The following SPOCD1 variants were observed in gnomAD, a reference collection of about 807,000 sequenced individuals.
SPOCD1 encodes the protein SPOC domain containing 1.
A neutral mutation model predicts 92.2 loss-of-function variants in SPOCD1; 64 were observed. That is an observed-to-expected ratio of 0.69 (90% confidence interval 0.57 to 0.86). The LOEUF (loss-of-function observed/expected upper bound fraction) is 0.86. SPOCD1 is among the 40% of genes least tolerant of loss of function. The pLI, the probability that SPOCD1 is intolerant of heterozygous loss-of-function variation, is 0.00. For missense variants in SPOCD1, 1,360 were observed against 1,543.1 expected, an observed-to-expected ratio of 0.88 and a Z score of 1.99; for synonymous variants, 578 against 619.3, an observed-to-expected ratio of 0.93 and a Z score of 0.99.
rs772248215 is a variant in SPOCD1, at chr1:31,800,005, G to A, written c.1728+11C>T. ...GTGAAGGAGGCACATGGCCGGGGCAGAACAACTTGCCTGGGAACATGCAGG... is the reference window on the plus strand; with the variant it reads ...GTGAAGGAGGCACATGGCCGGGGCAAAACAACTTGCCTGGGAACATGCAGG... On this transcript the variant is annotated intron_variant, in intron 5 of 15. Transcript: ENST00000360482. 2 of 1,611,700 alleles carry A rather than the reference G, an allele frequency of 1.2e-6. No homozygotes were observed. Among genetic ancestry groups the A allele is most frequent in the Non-Finnish European group, 8.5e-7 (1 of 1,178,830 alleles).
chr1:31,815,378 TGGAGACAGAAAGA>T lies in SPOCD1; in HGVS notation c.-39-19_-39-7del. On this transcript the variant is annotated splice_region_variant and splice_polypyrimidine_tract_variant and intron_variant, in intron 1 of 15. Coordinates refer to ENST00000360482, the MANE Select transcript of SPOCD1 (RefSeq NM_144569.7). ...CCAAAAGCACAACACGGGCCCTGTG[TGGAGACAGAAAGA>T]GGAGACTTTGTCTTGGAGAGTCCGA... is the stretch of plus-strand genomic sequence containing the variant. 1.3e-6 allele frequency: 2 copies of T among 1,499,430 alleles called. No individual in the cohort carries two copies. Among genetic ancestry groups the T allele is most frequent in the South Asian group, 2.8e-5 (2 of 70,860 alleles). The allele number at this position is 1,499,430 out of a possible 1,614,324, so 92.9% of individuals were successfully genotyped here.
In SPOCD1 at chr1:31,815,156, G is replaced by A. The variant is rs750295044; in HGVS notation, c.178C>T (p.Pro60Ser). ...CCACCTCGAAGGGCCTCCTTCCTGGGGATCTTCCTTCTGCTGCCAGCCCTG... is the reference window on the plus strand; with the variant it reads ...CCACCTCGAAGGGCCTCCTTCCTGGAGATCTTCCTTCTGCTGCCAGCCCTG... ...GVRAGSRRKI[P>S]RKEALRGGSS... Residue 60 changes from proline to serine, a missense_variant, in exon 2 of 16, where the codon CCC becomes TCC. This residue lies in a region of SPOCD1 where 140 missense variants were observed against 183.8 expected (regional missense o/e 0.76). Coordinates refer to ENST00000360482, the MANE Select transcript of SPOCD1 (RefSeq NM_144569.7). 16 of 1,607,804 alleles carry A rather than the reference G, an allele frequency of 1.0e-5. No homozygotes were observed. Among genetic ancestry groups the A allele is most frequent in the Non-Finnish European group, 8.5e-7 (1 of 1,175,352 alleles).
chr1:31,799,622 G>A (rs545665248), intron 6 of SPOCD1, 137 bp from the exon 7 acceptor site: 7 of 1,082,512 alleles, frequency 6.5e-6, no homozygotes, highest in Non-Finnish European at 8.1e-6. Flanking sequence ...CTATCCATCT[G>A]GGAGCCAAGC....
At position 31,798,559 on chromosome 1, in the gene SPOCD1, C is replaced by T; in HGVS notation, c.1911G>A (p.Val637=). 1.9e-6 allele frequency: 3 copies of T among 1,613,644 alleles called. No individual in the cohort carries two copies. Among genetic ancestry groups the T allele is most frequent in the African/African-American group, 1.3e-5 (1 of 75,054 alleles). ...CCTCAATGCCAGCAGCAATGCCCTC[C>T]ACCACCTCCTCACTCAGCACTGGGT... ...LPDPVLSEEV[V]EGIAAGIEAA... is the part of the protein sequence containing the mutation. The change falls in exon 8 of 16, where the codon GTG becomes GTA. Residue 637 remains valine, a synonymous_variant. Coordinates refer to ENST00000360482, the MANE Select transcript of SPOCD1 (RefSeq NM_144569.7). The surrounding 1 kb of genome is among the most constrained non-coding windows in gnomAD (Gnocchi z 4.1).
At chr1:31,797,468 C>G (rs1195493868) in intron 9 of SPOCD1, among the ~76,000 whole-genome samples, 2 of 152,242 alleles carry the variant, frequency 1.3e-5, no homozygotes, top group African/African-American at 4.8e-5. Context: ...TGCACTGGCT[C>G]CCACAAATTA....
intron 10 of SPOCD1, 107 bp from the exon 11 acceptor site, chr1:31,794,342 ATGT>A (rs1647845760): frequency 1.6e-6 from 1 of 636,206 alleles, no homozygotes; most frequent in Admixed American, 3.2e-5. Flanking sequence ...TCAATAATAA[ATGT>A]TGTTTTATTA....
chr1:31,798,659 G>A lies in SPOCD1; in HGVS notation c.1869-58C>T. 6.4e-7 allele frequency: 1 copy of A among 1,568,624 alleles called. No homozygotes were observed. The highest frequency in any genetic ancestry group is 1.1e-5 in the South Asian group (1 of 86,974). The stretch of plus-strand genomic sequence containing the variant: ...GCCCAGGAGGCTCTCCAGGCACTTA[G>A]TCCCAGAGGGAGGCAGCTGGGTGGG... On this transcript the variant is annotated intron_variant, in intron 7 of 15. Transcript: ENST00000360482. The surrounding 1 kb of genome is among the most constrained non-coding windows in gnomAD (Gnocchi z 4.1).
At chr1:31,810,753 C>G (rs553083035) in intron 2 of SPOCD1, among the ~76,000 whole-genome samples, 2 of 152,314 alleles carry the variant, frequency 1.3e-5, no homozygotes, top group South Asian at 4.1e-4. Flanking sequence ...TTAGGCTGCT[C>G]TTCTGTTAGG....
intron 4 of SPOCD1, 102 bp from the exon 5 acceptor site, chr1:31,800,243 C>A: frequency 2.7e-6 from 4 of 1,508,778 alleles, no homozygotes; most frequent in Non-Finnish European, 3.5e-6. Context: ...CTCCAGTCCA[C>A]CCTGAATTCA....
Position 31,813,953 on chromosome 1 carries a change from G to T in SPOCD1, c.1381C>A (p.Leu461Met). 1.3e-6 allele frequency: 2 copies of T among 1,528,304 alleles called. No individual in the cohort carries two copies. Among genetic ancestry groups the T allele is most frequent in the South Asian group, 2.7e-5 (2 of 75,214 alleles). 94.7% of individuals were successfully genotyped at this position (1,528,304 alleles called of 1,614,324 possible). A position where few individuals can be genotyped will look rare whatever the true frequency, so the allele number is the denominator to read the frequency against. The change falls in exon 2 of 16, where the codon CTG becomes ATG. Residue 461 changes from leucine to methionine, a missense_variant and splice_region_variant. By Grantham distance (15) the Leu-to-Met change is conservative. This residue lies in a region of SPOCD1 where 606 missense variants were observed against 601.5 expected (regional missense o/e 1.01). Coordinates refer to ENST00000360482, the MANE Select transcript of SPOCD1 (RefSeq NM_144569.7). Reference sequence around the variant, plus strand: ...CCAAACTCTCAGACTCAGCTCACCAGTCTGGGGCAGCCTCCTGGGCTGGGT... The same window carrying T: ...CCAAACTCTCAGACTCAGCTCACCATTCTGGGGCAGCCTCCTGGGCTGGGT... ...EEPSPGGCPR[L>M]EEVKIPHGVK... is the part of the protein sequence containing the mutation.
chr1:31,800,287 C>A, intron 4 of SPOCD1, 146 bp from the exon 5 acceptor site: 1 of 1,459,580 alleles, frequency 6.9e-7, no homozygotes. Context: ...GGAGCCCAGG[C>A]CAGCCATGCA....
intron 15 of SPOCD1, 113 bp from the exon 16 acceptor site, chr1:31,791,404 G>A: frequency 1.2e-6 from 1 of 830,446 alleles, no homozygotes; most frequent in East Asian, 3.1e-5. Context: ...AAGTAAGTAG[G>A]AAGGTGGGGC....
chr1:31,794,008 C>T (rs900408013), intron 11 of SPOCD1, 111 bp from the exon 12 acceptor site: 35 of 1,499,782 alleles, frequency 2.3e-5, no homozygotes, highest in East Asian at 2.0e-4. Context: ...ACCTGGGGCA[C>T]GGGCACCCCT....
intron 10 of SPOCD1, 63 bp from the exon 11 acceptor site, chr1:31,794,298 T>A (rs1647842179): frequency 8.0e-7 from 1 of 1,247,280 alleles, no homozygotes; most frequent in Non-Finnish European, 1.1e-6. Context: ...GAGGCCTCCA[T>A]GGGTAGGGGG....
intron 3 of SPOCD1, among the ~76,000 whole-genome samples, chr1:31,801,417 T>C (rs368916678): frequency 7.2e-5 from 11 of 152,204 alleles, no homozygotes; most frequent in African/African-American, 2.7e-4. Flanking sequence ...GGGAATTGTT[T>C]TAAAAGTAGG....
At chr1:31,804,262 C>T (rs1306424847) in intron 2 of SPOCD1, among the ~76,000 whole-genome samples, 1 of 152,008 alleles carries the variant, frequency 6.6e-6, no homozygotes, top group African/African-American at 2.4e-5. Context: ...AAAGAGGAAA[C>T]TAAGGCACAT....
intron 2 of SPOCD1, among the ~76,000 whole-genome samples, chr1:31,806,603 T>A (rs1049947332): frequency 6.6e-6 from 1 of 151,706 alleles, no homozygotes; most frequent in Non-Finnish European, 1.5e-5. Flanking sequence ...TGGAGTGCAG[T>A]GGTGCGATCT....
At chr1:31,796,901 T>C (rs539715070) in intron 9 of SPOCD1, among the ~76,000 whole-genome samples, 186 bp from the exon 10 acceptor site, 1 of 152,266 alleles carries the variant, frequency 6.6e-6, no homozygotes, top group Non-Finnish European at 1.5e-5. Context: ...CGTATTCCAC[T>C]GATTCACCCT....
intron 2 of SPOCD1, among the ~76,000 whole-genome samples, chr1:31,811,286 C>T (rs35487580): frequency 0.096 from 14,605 of 152,106 alleles, 935 homozygotes; most frequent in South Asian, 0.33. Context: ...GCTTGGCCAA[C>T]ATAGTGAAAT....
Sources: gnomAD v4.1 joint callset for allele counts (sites outside exome capture counted in the v4.1 genomes callset) on GRCh38, gnomAD v4.1.1 for gene constraint, gnomAD v4.1.1 regional missense constraint, Gnocchi (gnomAD v3.1) non-coding constraint, MANE v1.5 for transcripts, NCBI Gene and HGNC (gene_info 2026-07-23, HGNC 2026-07-21) for gene names.